Variants in KCTD16 observed in about 807,000 individuals in gnomAD.
The protein encoded by KCTD16 is BTB/POZ domain-containing protein KCTD16.
In KCTD16, 13 loss-of-function variants were observed where a neutral mutation model predicts 33.2. That is an observed-to-expected ratio of 0.39 (90% CI 0.25 to 0.62). The LOEUF (loss-of-function observed/expected upper bound fraction) is 0.62, where lower values mean the gene tolerates loss of function less well. Ranked by LOEUF, KCTD16 falls within the 20% of genes least tolerant of loss-of-function variation. The pLI, the probability that KCTD16 is intolerant of heterozygous loss-of-function variation, is 0.50. For missense variants in KCTD16, 441 were observed against 525.1 expected, an observed-to-expected ratio of 0.84 and a Z score of 1.57; for synonymous variants, 197 against 195.3, an observed-to-expected ratio of 1.01 and a Z score of -0.07.
At chr5:144,449,237 G>T (rs569819431) in intron 3 of KCTD16, among the ~76,000 whole-genome samples, 1 of 151,886 alleles carries the variant, frequency 6.6e-6, no homozygotes, top group African/African-American at 2.4e-5. Flanking sequence ...ACCAGAAAAC[G>T]TAATGAAATA....
At position 144,171,271 on chromosome 5, in the gene KCTD16, T is replaced by A. The variant is rs1231248704; in HGVS notation, c.-493+262T>A. On this transcript the variant is annotated intron_variant, in intron 1 of 3. Transcript: ENST00000512467. ...TAACATTCATCTGGGAAGAAGAGTC[T>A]GTAAAGCCACTATAAGAGGGTTATC... Among the ~76,000 whole-genome samples, 3 of 152,128 alleles carry A rather than the reference T, an allele frequency of 2.0e-5. No individual in the cohort carries two copies. The South Asian group carries it at 6.2e-4, about 32-fold the overall frequency.
At chr5:144,284,347 C>CTA (rs1401853334) in intron 3 of KCTD16, among the ~76,000 whole-genome samples, 4 of 152,142 alleles carry the variant, frequency 2.6e-5, no homozygotes, top group Admixed American at 1.3e-4. Context: ...AAAACAAGAG[C>CTA]TATCCACTAT....
At chr5:144,327,704 T>C (rs1452850105) in intron 3 of KCTD16, among the ~76,000 whole-genome samples, 12 of 152,170 alleles carry the variant, frequency 7.9e-5, no homozygotes, top group African/African-American at 4.8e-5. Flanking sequence ...TTTGGAAATA[T>C]TTTTCATCCT....
chr5:144,247,751 CA>C (rs1754589845), intron 3 of KCTD16, among the ~76,000 whole-genome samples: 1 of 152,188 alleles, frequency 6.6e-6, no homozygotes, highest in Non-Finnish European at 1.5e-5. Context: ...TGATTATGAA[CA>C]CACTTAAAGC....
At chr5:144,225,164 A>G (rs550169355) in intron 3 of KCTD16, among the ~76,000 whole-genome samples, 1 of 152,310 alleles carries the variant, frequency 6.6e-6, no homozygotes, top group African/African-American at 2.4e-5. Flanking sequence ...ACAAGATAAA[A>G]TGAGAAGCCC....
chr5:144,326,399 A>G (rs1752209140), intron 3 of KCTD16, among the ~76,000 whole-genome samples: 2 of 152,196 alleles, frequency 1.3e-5, no homozygotes, highest in Admixed American at 6.6e-5. Context: ...TTGATAGTAT[A>G]AATTTTTAAA....
chr5:144,310,570 G>A (rs182104190), intron 3 of KCTD16, among the ~76,000 whole-genome samples: 18 of 136,632 alleles, frequency 1.3e-4, no homozygotes, highest in Admixed American at 8.7e-4. Flanking sequence ...TATAACATAT[G>A]TAAAATATTA....
At chr5:144,424,562 C>G (rs562714837) in intron 3 of KCTD16, among the ~76,000 whole-genome samples, 103 of 152,304 alleles carry the variant, frequency 6.8e-4, no homozygotes, top group African/African-American at 2.4e-3. Context: ...TCATTTTCTG[C>G]TGTTACACTA....
chr5:144,375,933 C>T (rs917612321), intron 3 of KCTD16, among the ~76,000 whole-genome samples: 17 of 152,048 alleles, frequency 1.1e-4, no homozygotes, highest in African/African-American at 3.9e-4. Context: ...GCCTCAGCCT[C>T]CTGAGGCAGG....
At chr5:144,363,734 T>A (rs1751770598) in intron 3 of KCTD16, among the ~76,000 whole-genome samples, 1 of 152,100 alleles carries the variant, frequency 6.6e-6, no homozygotes, top group Non-Finnish European at 1.5e-5. Flanking sequence ...ATCTCACATG[T>A]GTATGTCAGG....
chr5:144,374,124 T>C (rs1462897007), intron 3 of KCTD16, among the ~76,000 whole-genome samples: 1 of 152,354 alleles, frequency 6.6e-6, no homozygotes, highest in Admixed American at 6.5e-5. Flanking sequence ...TCTTTTGCTA[T>C]GTAAGGCAAC....
At chr5:144,439,310 C>T (rs947717686) in intron 3 of KCTD16, 11 of 476,170 alleles carry the variant, frequency 2.3e-5, no homozygotes, top group Non-Finnish European at 4.5e-5. Context: ...TCCCTAAAAC[C>T]CACTTGAATT....
At chr5:144,185,574 G>C (rs1242049061) in intron 2 of KCTD16, among the ~76,000 whole-genome samples, 3 of 152,112 alleles carry the variant, frequency 2.0e-5, no homozygotes, top group Non-Finnish European at 4.4e-5. Context: ...ACCCAAGTAA[G>C]TCATGCACCT....
chr5:144,336,116 C>G (rs1292323076), intron 3 of KCTD16, among the ~76,000 whole-genome samples: 5 of 152,180 alleles, frequency 3.3e-5, no homozygotes, highest in African/African-American at 1.2e-4. Flanking sequence ...GCCAGGCAGA[C>G]AGGCTGTCTT....
chr5:144,293,033 T>G (rs760485932), intron 3 of KCTD16, among the ~76,000 whole-genome samples: 1 of 152,216 alleles, frequency 6.6e-6, no homozygotes, highest in Non-Finnish European at 1.5e-5. Context: ...TGGTGCAAAT[T>G]GTTACTTAAT....
chr5:144,192,466 G>A (rs1752861545), intron 2 of KCTD16, among the ~76,000 whole-genome samples: 1 of 152,196 alleles, frequency 6.6e-6, no homozygotes, highest in Non-Finnish European at 1.5e-5. Flanking sequence ...TATAATGGGA[G>A]ATTTTAGACC....
At chr5:144,438,447 G>A (rs73299617) in intron 3 of KCTD16, among the ~76,000 whole-genome samples, 11,922 of 152,150 alleles carry the variant, frequency 0.078, 1,558 homozygotes, top group African/African-American at 0.27. Flanking sequence ...ATCTGTCTCC[G>A]CTCTGTTTTC....
intron 3 of KCTD16, among the ~76,000 whole-genome samples, chr5:144,316,390 T>C (rs1751913192): frequency 6.6e-6 from 1 of 152,182 alleles, no homozygotes; most frequent in South Asian, 2.1e-4. Flanking sequence ...GCAGAAGTCA[T>C]TTGCCAAAGA....
chr5:144,205,303 C>T, intron 2 of KCTD16: 1 of 366,674 alleles, frequency 2.7e-6, no homozygotes, highest in Non-Finnish European at 4.8e-6. Flanking sequence ...TCGGAGCTGC[C>T]TCCGCTTTCT....
Sources: allele counts gnomAD v4.1 joint callset (sites outside exome capture counted in the v4.1 genomes callset), GRCh38; gene constraint gnomAD v4.1.1; transcripts MANE v1.5; gene names NCBI Gene and HGNC (gene_info 2026-07-23, HGNC 2026-07-21).